DRG2: variants seen among roughly 807,000 people sequenced by gnomAD.
DRG2 encodes developmentally-regulated GTP-binding protein 2.
In DRG2, 36 loss-of-function variants were observed where a neutral mutation model predicts 53.4. The observed-to-expected ratio is 0.67, with a 90% CI of 0.52 to 0.89. The LOEUF (loss-of-function observed/expected upper bound fraction) is 0.89. Ranked by LOEUF, DRG2 falls within the 40% of genes least tolerant of loss-of-function variation. The pLI, the probability that DRG2 is intolerant of heterozygous loss-of-function variation, is 0.00. For missense variants in DRG2, 342 were observed against 481.2 expected, an observed-to-expected ratio of 0.71 and a Z score of 2.71; for synonymous variants, 167 against 192.1, an observed-to-expected ratio of 0.87 and a Z score of 1.08.
At position 18,103,191 on chromosome 17, in the gene DRG2, C is replaced by T. The variant is rs183368830; in HGVS notation, c.807-610C>T. On this transcript the variant is annotated intron_variant, in intron 9 of 12. Coordinates refer to ENST00000225729, the MANE Select transcript of DRG2 (RefSeq NM_001388.5). This position sits in a 1 kb window ranked among gnomAD's most constrained non-coding sequence, Gnocchi z 4.4. ...GCTTCTACACCTTTACCTGCTTGTG[C>T]TCAGAATAGCTCTACAGAGGTCAGG... Among the ~76,000 whole-genome samples, 31 of 152,264 alleles carry T rather than the reference C, an allele frequency of 2.0e-4. No homozygotes were observed. The East Asian group carries it at 6.0e-3, about 29-fold the overall frequency.
In DRG2 at chr17:18,107,471, T is replaced by G; in HGVS notation, c.*231T>G. On this transcript the variant is annotated 3_prime_UTR_variant, in exon 13 of 13. Transcript: ENST00000225729. ...AAGACTGAGCCCTCTCATGGGGGTTTTGAGTTTGTAGTGCTGAGCCTGCAT... is the reference window on the plus strand; with the variant it reads ...AAGACTGAGCCCTCTCATGGGGGTTGTGAGTTTGTAGTGCTGAGCCTGCAT... The G allele has an allele frequency of 1.7e-6, 1 of 573,142 alleles. No homozygotes were observed. Among genetic ancestry groups the G allele is most frequent in the Admixed American group, 3.0e-5 (1 of 33,366 alleles). 35.5% of individuals were successfully genotyped at this position (573,142 alleles called of 1,614,324 possible). A position where few individuals can be genotyped will look rare whatever the true frequency, so the allele number is the denominator to read the frequency against.
rs1383360456 is a variant in DRG2, at chr17:18,103,140, G to A, written c.807-661G>A. 6.6e-6 allele frequency among the ~76,000 whole-genome samples: 1 copy of A among 152,134 alleles called. No homozygotes were observed. The highest frequency in any genetic ancestry group is 1.5e-5 in the Non-Finnish European group (1 of 68,020). On this transcript the variant is annotated intron_variant, in intron 9 of 12. Coordinates refer to ENST00000225729, the MANE Select transcript of DRG2 (RefSeq NM_001388.5). The surrounding 1 kb of genome is among the most constrained non-coding windows in gnomAD (Gnocchi z 4.4). ...CTCCTGCTGTGTCCCAGGCCTTTGA[G>A]GGGCTGCCATCCTCAGGGCGTGAGA... is the stretch of plus-strand genomic sequence containing the variant.
At chr17:18,106,280 G>C in intron 11 of DRG2, 153 bp from the exon 12 acceptor site, 2 of 753,050 alleles carry the variant, frequency 2.7e-6, no homozygotes, top group Non-Finnish European at 4.6e-6. Flanking sequence ...AATTGAGCAC[G>C]TCAGTCCTCC....
At position 18,098,302 on chromosome 17, in the gene DRG2, C is replaced by T. The variant is rs776616261; in HGVS notation, c.258C>T (p.Ala86=). Residue 86 remains alanine, a synonymous_variant, in exon 3 of 13, where the codon GCC becomes GCT. Transcript: ENST00000225729. The surrounding 1 kb of genome is among the most constrained non-coding windows in gnomAD (Gnocchi z 4.1). ...STFLSLMTST[A]SEAASYEFTT... is the part of the protein sequence containing the mutation. ...TCTTGAGTCTGATGACCTCCACGGC[C>T]AGCGAGGCAGCGTCCTATGAGTTCA... 81 of 1,613,956 alleles carry T rather than the reference C, an allele frequency of 5.0e-5. No individual in the cohort carries two copies. Among genetic ancestry groups the T allele is most frequent in the Non-Finnish European group, 4.9e-5 (58 of 1,179,964 alleles).
intron 1 of DRG2, among the ~76,000 whole-genome samples, chr17:18,090,436 G>T (rs2030783880): frequency 1.1e-4 from 2 of 18,714 alleles, no homozygotes; most frequent in African/African-American, 3.1e-4. Context: ...TTTTTTTTGA[G>T]ATGGAGTTTC....
At position 18,099,041 on chromosome 17, in the gene DRG2, C is replaced by G; in HGVS notation, c.340C>G (p.Leu114Val). The change falls in exon 4 of 13, where the codon CTG (leucine) becomes GTG (valine). Residue 114 changes from leucine to valine, a missense_variant. Coordinates refer to ENST00000225729, the MANE Select transcript of DRG2 (RefSeq NM_001388.5). The surrounding 1 kb of genome is among the most constrained non-coding windows in gnomAD (Gnocchi z 4.4). The part of the protein sequence containing the change: ...IEYKGANIQL[L>V]DLPGIIEGAA... The stretch of plus-strand genomic sequence containing the variant: ...GTACAAAGGTGCCAACATCCAGCTC[C>G]TGGACCTTCCTGGAATCATTGAAGG... The G allele has an allele frequency of 6.2e-7, 1 of 1,614,118 alleles. No individual in the cohort carries two copies. Among genetic ancestry groups the G allele is most frequent in the Non-Finnish European group, 8.5e-7 (1 of 1,180,022 alleles).
intron 2 of DRG2, among the ~76,000 whole-genome samples, chr17:18,095,115 A>G (rs2045409758): frequency 6.6e-6 from 1 of 151,038 alleles, no homozygotes; most frequent in Non-Finnish European, 1.5e-5. Context: ...CCTGGGTTCA[A>G]GCAGTTATCA....
intron 1 of DRG2, among the ~76,000 whole-genome samples, chr17:18,093,319 A>ATT (rs35706658): frequency 3.5e-5 from 5 of 141,144 alleles, no homozygotes; most frequent in African/African-American, 5.2e-5. Context: ...AAGAGGCGGG[A>ATT]TTTTTTTTTT....
intron 1 of DRG2, among the ~76,000 whole-genome samples, chr17:18,091,547 C>G (rs1175011538): frequency 6.6e-6 from 1 of 151,800 alleles, no homozygotes; most frequent in Non-Finnish European, 1.5e-5. Context: ...GATCGCACCA[C>G]TGCACTCCAA....
chr17:18,103,737 G>A lies in DRG2; in HGVS notation c.807-64G>A. 2 of 1,503,592 alleles carry A rather than the reference G, an allele frequency of 1.3e-6. No individual in the cohort carries two copies. The highest frequency in any genetic ancestry group is 1.9e-6 in the Non-Finnish European group (2 of 1,080,492). 93.1% of individuals were successfully genotyped at this position (1,503,592 alleles called of 1,614,324 possible). A position where few individuals can be genotyped will look rare whatever the true frequency, so the allele number is the denominator to read the frequency against. On this transcript the variant is annotated intron_variant, in intron 9 of 12. Transcript: ENST00000225729. This position sits in a 1 kb window ranked among gnomAD's most constrained non-coding sequence, Gnocchi z 4.4. ...AGGTTATCCGCTCCAATAGTGAGAA[G>A]TGGAGACCCCAGCCTCTGAATTCAC...
chr17:18,094,052 C>T (rs1003857145), intron 2 of DRG2, 79 bp downstream of exon 2: 29 of 1,536,666 alleles, frequency 1.9e-5, no homozygotes, highest in Middle Eastern at 1.9e-4. Flanking sequence ...AGGCTCCCCT[C>T]GCTGCCTTTC....
chr17:18,093,889 G>C lies in DRG2; in HGVS notation c.141G>C (p.Ser47=). 6.2e-7 allele frequency: 1 copy of C among 1,614,132 alleles called. No homozygotes were observed. The highest frequency in any genetic ancestry group is 1.1e-5 in the South Asian group (1 of 91,072). ...CCCAGCTCCTGGAACCGTCCAAATCGGCCTCGTCCAAAGGAGAGGGCTTTG... is the reference window on the plus strand; with the variant it reads ...CCCAGCTCCTGGAACCGTCCAAATCCGCCTCGTCCAAAGGAGAGGGCTTTG... The part of the protein sequence containing the change: ...YRAQLLEPSK[S]ASSKGEGFDV... Residue 47 remains serine (S), a synonymous_variant, in exon 2 of 13, where the codon TCG becomes TCC. Coordinates refer to ENST00000225729, the MANE Select transcript of DRG2 (RefSeq NM_001388.5).
At position 18,107,209 on chromosome 17, in the gene DRG2, A is replaced by T; in HGVS notation, c.1064A>T (p.His355Leu). 1 of 1,613,464 alleles carries T rather than the reference A, an allele frequency of 6.2e-7. No individual in the cohort carries two copies. The highest frequency in any genetic ancestry group is 8.5e-7 in the Non-Finnish European group (1 of 1,180,038). The part of the protein sequence containing the change: ...QRVGLTHTME[H>L]EDVIQIVKK The stretch of plus-strand genomic sequence containing the variant: ...GTGGGCCTGACCCACACCATGGAGC[A>T]TGAGGACGTCATCCAGATCGTGAAG... Residue 355 changes from histidine (H) to leucine (L), a missense_variant, in exon 13 of 13, where the codon CAT becomes CTT. By Grantham distance (99) the His-to-Leu change is moderately conservative. Coordinates refer to ENST00000225729, the MANE Select transcript of DRG2 (RefSeq NM_001388.5).
At chr17:18,106,183 GA>G (rs2045626127) in intron 11 of DRG2, 1 of 539,410 alleles carries the variant, frequency 1.9e-6, no homozygotes, top group African/African-American at 1.9e-5. Flanking sequence ...GTGGCTTTGG[GA>G]ACATTCCTAA....
At chr17:18,089,299 G>A (rs1178157140) in intron 1 of DRG2, among the ~76,000 whole-genome samples, 9 of 152,086 alleles carry the variant, frequency 5.9e-5, no homozygotes, top group African/African-American at 2.2e-4. Flanking sequence ...CACCACACCC[G>A]GCTAATTTTT....
intron 1 of DRG2, 23 bp from the exon 2 acceptor site, chr17:18,093,790 C>T: frequency 1.2e-6 from 2 of 1,609,444 alleles, no homozygotes; most frequent in Non-Finnish European, 1.7e-6. Flanking sequence ...CACTCATCTT[C>T]TGTCTTGCTT....
In DRG2 at chr17:18,090,396, A is replaced by T. The variant is rs1567598086; in HGVS notation, c.64+2309A>T. ...TATATATATATATATATATATATAT[A>T]TATATATATATTTTTTTTTTTTTTT... On this transcript the variant is annotated intron_variant, in intron 1 of 12. Transcript: ENST00000225729. 8.4e-4 allele frequency among the ~76,000 whole-genome samples: 9 copies of T among 10,746 alleles called. 2 individuals are homozygous for T. The highest frequency in any genetic ancestry group is 3.0e-3 in the East Asian group (1 of 330). The allele number at this position is 10,746 out of a possible 152,430, so 7.0% of individuals were successfully genotyped here. A position where few individuals can be genotyped will look rare whatever the true frequency, so the allele number is the denominator to read the frequency against.
chr17:18,096,979 CAG>C (rs1300379208), intron 2 of DRG2: 2 of 151,988 alleles, frequency 1.3e-5, no homozygotes, highest in Non-Finnish European at 1.5e-5. Flanking sequence ...GTATATGTAT[CAG>C]AGAGAGAGAG....
intron 1 of DRG2, among the ~76,000 whole-genome samples, chr17:18,088,355 G>C (rs964656601): frequency 4.6e-5 from 7 of 152,246 alleles, no homozygotes; most frequent in African/African-American, 1.7e-4. Context: ...CACAGAGCAA[G>C]CATCTGACCC....
Sources: allele counts gnomAD v4.1 joint callset (sites outside exome capture counted in the v4.1 genomes callset), GRCh38; gene constraint gnomAD v4.1.1; non-coding constraint Gnocchi (gnomAD v3.1); transcripts MANE v1.5; gene names NCBI Gene and HGNC (gene_info 2026-07-23, HGNC 2026-07-21).